SPATA32: variants seen among roughly 807,000 people sequenced by gnomAD.
SPATA32 encodes spermatogenesis-associated protein 32.
In SPATA32, 28 loss-of-function variants were observed where a neutral mutation model predicts 35.4. The observed-to-expected ratio is 0.79, with a 90% CI of 0.59 to 1.09. The LOEUF (loss-of-function observed/expected upper bound fraction) is 1.09, where lower values mean the gene tolerates loss of function less well. Ranked by LOEUF, SPATA32 falls within the 50% of genes least tolerant of loss-of-function variation. SPATA32 has a pLI of 0.00. For missense variants in SPATA32, 409 were observed against 475.9 expected (o/e 0.86, Z 1.31); for synonymous variants, 168 against 196.3 (o/e 0.86, Z 1.20).
rs1016564626 is a variant in SPATA32, at chr17:45,256,800, C to A, written c.68+353G>T. ...CAGCAGGGGAGCCCCAGAGCAATGT[C>A]CTCCCACCCACCTGCCCACTCTTTC... On this transcript the variant is annotated intron_variant, in intron 2 of 4. Transcript: ENST00000331780. The surrounding 1 kb of genome is among the most constrained non-coding windows in gnomAD (Gnocchi z 4.7). 3.3e-5 allele frequency among the ~76,000 whole-genome samples: 5 copies of A among 152,092 alleles called. No individual in the cohort carries two copies. Among genetic ancestry groups the A allele is most frequent in the Admixed American group, 3.3e-4 (5 of 15,280 alleles).
rs752882739 is a variant in SPATA32, at chr17:45,255,776, A to C, written c.406T>G (p.Phe136Val). The C allele has an allele frequency of 6.2e-7, 1 of 1,613,982 alleles. No individual in the cohort carries two copies. The highest frequency in any genetic ancestry group is 1.1e-5 in the South Asian group (1 of 91,072). Residue 136 changes from phenylalanine (F) to valine (V), a missense_variant, in exon 4 of 5, where the codon TTC becomes GTC. Phe to Val is a conservative substitution (Grantham distance 50). Transcript: ENST00000331780. The surrounding 1 kb of genome is among the most constrained non-coding windows in gnomAD (Gnocchi z 5.4). ...PWSLNSNCRSFTEENHVSACH... is the reference protein window; with the variant it reads ...PWSLNSNCRSVTEENHVSACH... Reference sequence around the variant, plus strand: ...GCAGACACGTGGTTCTCCTCCGTGAAACTCCGGCAGTTTGAATTCAGACTC... The same window carrying C: ...GCAGACACGTGGTTCTCCTCCGTGACACTCCGGCAGTTTGAATTCAGACTC...
chr17:45,261,588 C>G (rs575427765), intron 1 of SPATA32, among the ~76,000 whole-genome samples: 215 of 152,310 alleles, frequency 1.4e-3, no homozygotes, highest in South Asian at 3.5e-3. Flanking sequence ...TGAAGACTGC[C>G]GCTCCTCCCT....
chr17:45,261,933 C>T lies in SPATA32; in HGVS notation c.13+71G>A, dbSNP rs561583241. 13 of 1,277,696 alleles carry T rather than the reference C, an allele frequency of 1.0e-5. No individual in the cohort carries two copies. In the South Asian group the frequency reaches 3.0e-4, roughly 30 times the overall value. 79.1% of individuals were successfully genotyped at this position (1,277,696 alleles called of 1,614,324 possible). A position where few individuals can be genotyped will look rare whatever the true frequency, so the allele number is the denominator to read the frequency against. On this transcript the variant is annotated intron_variant, in intron 1 of 4. Transcript: ENST00000331780. ...CGGATTCCTGACCGCCCCCTTCGCGCCCCTCCCCCTCTCACTTTCGCTTTC... is the reference window on the plus strand; with the variant it reads ...CGGATTCCTGACCGCCCCCTTCGCGTCCCTCCCCCTCTCACTTTCGCTTTC...
chr17:45,255,823 G>T lies in SPATA32; in HGVS notation c.359C>A (p.Thr120Lys). Residue 120 changes from threonine (T) to lysine (K), a missense_variant, in exon 4 of 5, where the codon ACG becomes AAG. By Grantham distance (78) the Thr-to-Lys change is moderately conservative (BLOSUM62 -1). Transcript: ENST00000331780. The surrounding 1 kb of genome is among the most constrained non-coding windows in gnomAD (Gnocchi z 5.4). Reference sequence around the variant, plus strand: ...ACTCCACGGTCTGAAGGTCTGTGGCGTGGGCAGCCCCATGTTGGAGTGGAC... The same window carrying T: ...ACTCCACGGTCTGAAGGTCTGTGGCTTGGGCAGCCCCATGTTGGAGTGGAC... ...ESVHSNMGLP[T>K]PQTFRPWSLN... 6.2e-7 allele frequency: 1 copy of T among 1,614,192 alleles called. No individual in the cohort carries two copies. Among genetic ancestry groups the T allele is most frequent in the East Asian group, 2.2e-5 (1 of 44,878 alleles).
Position 45,255,323 on chromosome 17 carries a change from G to A in SPATA32, c.859C>T (p.Arg287Ter), listed in dbSNP as rs780143085. The A allele has an allele frequency of 5.0e-6, 8 of 1,614,050 alleles. No individual in the cohort carries two copies. Among genetic ancestry groups the A allele is most frequent in the Non-Finnish European group, 6.8e-6 (8 of 1,180,028 alleles). ...TEPLLTTVEE[R>*]EPENHAETLP... The stretch of plus-strand genomic sequence containing the variant: ...GTCTCTGCGTGATTTTCTGGCTCTC[G>A]CTCCTCCACAGTGGTCAGGAGGGGC... The change falls in exon 4 of 5, where the codon CGA becomes TGA. Residue 287 changes from arginine (R) to a stop codon, truncating the protein, a stop_gained. Coordinates refer to ENST00000331780, the MANE Select transcript of SPATA32 (RefSeq NM_152343.3). LOFTEE classifies it high-confidence loss of function. This position sits in a 1 kb window ranked among gnomAD's most constrained non-coding sequence, Gnocchi z 5.4.
chr17:45,259,309 T>C (rs1370456575), intron 1 of SPATA32, among the ~76,000 whole-genome samples: 2 of 152,146 alleles, frequency 1.3e-5, no homozygotes, highest in Non-Finnish European at 2.9e-5. Flanking sequence ...TGGGCATCTT[T>C]GTGAAGTTTC....
In SPATA32 at chr17:45,256,320, G is replaced by A; in HGVS notation, c.108+56C>T. ...GGGTAGGGGCTGGTGGGGACTTAGG[G>A]AAGAGCCCTGCCGCTTGCCTACCAC... On this transcript the variant is annotated intron_variant, in intron 3 of 4. Coordinates refer to ENST00000331780, the MANE Select transcript of SPATA32 (RefSeq NM_152343.3). The surrounding 1 kb of genome is among the most constrained non-coding windows in gnomAD (Gnocchi z 4.7). 1 of 1,563,492 alleles carries A rather than the reference G, an allele frequency of 6.4e-7. No individual in the cohort carries two copies. The highest frequency in any genetic ancestry group is 1.7e-5 in the Admixed American group (1 of 59,958).
chr17:45,255,733 C>G lies in SPATA32; in HGVS notation c.449G>C (p.Ser150Thr). 1.2e-6 allele frequency: 2 copies of G among 1,614,026 alleles called. No homozygotes were observed. The highest frequency in any genetic ancestry group is 3.3e-5 in the Admixed American group (2 of 60,006). Reference sequence around the variant, plus strand: ...GAAGAGGTGCTTGGAGGTCTGCGCACTGATGGAGTGATGGCAGGCAGACAC... The same window carrying G: ...GAAGAGGTGCTTGGAGGTCTGCGCAGTGATGGAGTGATGGCAGGCAGACAC... Reference protein sequence around the residue: ...NHVSACHHSISAQTSKHLFWA... With the variant: ...NHVSACHHSITAQTSKHLFWA... Residue 150 changes from serine to threonine, a missense_variant, in exon 4 of 5, where the codon AGT becomes ACT. Physicochemically the swap from Ser to Thr is moderately conservative, Grantham distance 58. Coordinates refer to ENST00000331780, the MANE Select transcript of SPATA32 (RefSeq NM_152343.3). The surrounding 1 kb of genome is among the most constrained non-coding windows in gnomAD (Gnocchi z 5.4).
Position 45,255,918 on chromosome 17 carries a change from G to A in SPATA32, c.264C>T (p.Asp88=). The change falls in exon 4 of 5, where the codon GAC becomes GAT. Residue 88 remains aspartate (D), a synonymous_variant. Coordinates refer to ENST00000331780, the MANE Select transcript of SPATA32 (RefSeq NM_152343.3). The surrounding 1 kb of genome is among the most constrained non-coding windows in gnomAD (Gnocchi z 5.4). The stretch of plus-strand genomic sequence containing the variant: ...ACTCCTCGTTCGAGTTGGCTTCCGT[G>A]TCCAGCTCAGCTTCAAGCTTGAGGG... ...YPALKLEAEL[D]TEANSNEESD... 1 of 1,614,126 alleles carries A rather than the reference G, an allele frequency of 6.2e-7. No individual in the cohort carries two copies. The highest frequency in any genetic ancestry group is 1.1e-5 in the South Asian group (1 of 91,088).
At chr17:45,258,078 G>A (rs1039758171) in intron 1 of SPATA32, among the ~76,000 whole-genome samples, 2 of 152,168 alleles carry the variant, frequency 1.3e-5, no homozygotes, top group African/African-American at 4.8e-5. Context: ...CTGGGGTATG[G>A]CAGGAAGTGA....
chr17:45,259,440 TAAC>T (rs2043985337), intron 1 of SPATA32, among the ~76,000 whole-genome samples: 1 of 152,240 alleles, frequency 6.6e-6, no homozygotes, highest in Non-Finnish European at 1.5e-5. Context: ...ATGTTATACA[TAAC>T]ATACGTTATA....
intron 4 of SPATA32, 194 bp downstream of exon 4, chr17:45,254,921 C>T (rs991731344): frequency 1.3e-5 from 8 of 636,454 alleles, no homozygotes; most frequent in African/African-American, 1.1e-4. Context: ...CTCGCCTTGG[C>T]TCTGCGCCTC....
At chr17:45,258,046 T>C (rs56276534) in intron 1 of SPATA32, among the ~76,000 whole-genome samples, 59,447 of 152,092 alleles carry the variant, frequency 0.39, 14,317 homozygotes, top group East Asian at 0.54. Context: ...CCTGCCATCA[T>C]GCAAGGTGGG....
At chr17:45,254,991 G>GC (rs1427220978) in intron 4 of SPATA32, 124 bp downstream of exon 4, 5 of 930,530 alleles carry the variant, frequency 5.4e-6, no homozygotes, top group African/African-American at 1.7e-5. Flanking sequence ...AGGCGTCACA[G>GC]CCCACCACAT....
intron 1 of SPATA32, among the ~76,000 whole-genome samples, chr17:45,257,676 C>T (rs7342962): frequency 0.042 from 6,343 of 152,168 alleles, 438 homozygotes; most frequent in African/African-American, 0.14. Context: ...CCTGTAACTG[C>T]GTGGAGTCCC....
intron 2 of SPATA32, 124 bp downstream of exon 2, chr17:45,257,028 CG>C: frequency 2.7e-6 from 3 of 1,106,738 alleles, no homozygotes; most frequent in South Asian, 1.4e-5. Flanking sequence ...ACACTGGCCC[CG>C]GGGAGGTTTT....
At position 45,255,606 on chromosome 17, in the gene SPATA32, G is replaced by C; in HGVS notation, c.576C>G (p.Leu192=). 6.2e-7 allele frequency: 1 copy of C among 1,613,992 alleles called. No homozygotes were observed. The highest frequency in any genetic ancestry group is 8.5e-7 in the Non-Finnish European group (1 of 1,180,018). Reference sequence around the variant, plus strand: ...GGGCGTTGGTGGGGATGGCCTCCCGGAGCGGGGATCTGATGGGCTGGCCTG... The same window carrying C: ...GGGCGTTGGTGGGGATGGCCTCCCGCAGCGGGGATCTGATGGGCTGGCCTG... ...GSAGQPIRSP[L]REAIPTNALC... is the part of the protein sequence containing the mutation. Residue 192 remains leucine (L), a synonymous_variant, in exon 4 of 5, where the codon CTC becomes CTG. Coordinates refer to ENST00000331780, the MANE Select transcript of SPATA32 (RefSeq NM_152343.3). This position sits in a 1 kb window ranked among gnomAD's most constrained non-coding sequence, Gnocchi z 5.4.
Position 45,255,972 on chromosome 17 carries a change from C to G in SPATA32, c.210G>C (p.Pro70=). Residue 70 remains proline (P), a synonymous_variant, in exon 4 of 5, where the codon CCG becomes CCC. Transcript: ENST00000331780. The surrounding 1 kb of genome is among the most constrained non-coding windows in gnomAD (Gnocchi z 5.4). The stretch of plus-strand genomic sequence containing the variant: ...GGTATAGCTCTGACTCCAGTAAAGC[C>G]GGCACCTGTCCGATCTCCAGTTCTG... ...PDPELEIGQV[P]ALLESELYPA... 6.2e-7 allele frequency: 1 copy of G among 1,614,086 alleles called. No homozygotes were observed. Among genetic ancestry groups the G allele is most frequent in the South Asian group, 1.1e-5 (1 of 91,080 alleles).
At chr17:45,257,067 AG>A in intron 2 of SPATA32, 85 bp downstream of exon 2, 3 of 1,464,616 alleles carry the variant, frequency 2.0e-6, no homozygotes, top group Non-Finnish European at 2.8e-6. Context: ...GGGAGATCCT[AG>A]GCTGGGGGAT....
Sources: allele counts gnomAD v4.1 joint callset (sites outside exome capture counted in the v4.1 genomes callset), GRCh38; gene constraint gnomAD v4.1.1; non-coding constraint Gnocchi (gnomAD v3.1); transcripts MANE v1.5; gene names NCBI Gene and HGNC (gene_info 2026-07-23, HGNC 2026-07-21).